Variants in LRRC4C observed in about 807,000 individuals in gnomAD.
LRRC4C encodes the protein leucine rich repeat containing 4C, also known as leucine-rich repeat-containing protein 4C.
A neutral mutation model predicts 33.6 loss-of-function variants in LRRC4C; 5 were observed. The ratio of observed to expected loss-of-function variants is 0.15; its 90% CI spans 0.08 to 0.31. LRRC4C has a LOEUF of 0.31. Among genes scored for constraint, LRRC4C ranks in the 10% least tolerant of loss-of-function variants. The pLI is 1.00. For synonymous variants in LRRC4C, 329 were observed against 302.0 expected (o/e 1.09, Z -0.93); for missense variants, 560 against 796.7 (o/e 0.70, Z 3.58).
intron 1 of LRRC4C, among the ~76,000 whole-genome samples, chr11:41,062,004 C>T (rs1937809088): frequency 6.6e-6 from 1 of 152,196 alleles, no homozygotes; most frequent in South Asian, 2.1e-4. Context: ...GAGCAAAATC[C>T]TCTTGGTCCT....
intron 6 of LRRC4C, among the ~76,000 whole-genome samples, chr11:40,139,066 A>G (rs1857177307): frequency 6.6e-6 from 1 of 152,222 alleles, no homozygotes; most frequent in African/African-American, 2.4e-5. Flanking sequence ...GTTAAATCTA[A>G]CTAAGTCCAA....
intron 4 of LRRC4C, among the ~76,000 whole-genome samples, chr11:40,315,234 C>A (rs1045862429): frequency 6.6e-6 from 1 of 151,226 alleles, no homozygotes; most frequent in African/African-American, 2.4e-5. Context: ...AATTAAAAAA[C>A]CCAATATGGA....
intron 3 of LRRC4C, among the ~76,000 whole-genome samples, chr11:40,340,561 T>A (rs1253641302): frequency 1.3e-5 from 2 of 152,150 alleles, no homozygotes; most frequent in African/African-American, 4.8e-5. Context: ...ATAAAAGTAA[T>A]AATAACCTTT....
At position 40,975,218 on chromosome 11, in the gene LRRC4C, G is replaced by A. The variant is rs568503908; in HGVS notation, c.-495-41495C>T. ...TAAACAAGCACATATGTGATATCAT[G>A]TAAAGTCATGTCATAAAAAGTTTGT... On this transcript the variant is annotated intron_variant, in intron 1 of 6. Coordinates refer to ENST00000528697, the MANE Select transcript of LRRC4C (RefSeq NM_001258419.2). Among the ~76,000 whole-genome samples the A allele has an allele frequency of 2.6e-5, 4 of 152,270 alleles. No individual in the cohort carries two copies. In the South Asian group the frequency reaches 6.2e-4, roughly 24 times the overall value.
chr11:40,330,646 G>A (rs1488563380), intron 3 of LRRC4C, among the ~76,000 whole-genome samples: 1 of 152,114 alleles, frequency 6.6e-6, no homozygotes, highest in Non-Finnish European at 1.5e-5. Context: ...GCAGGAGACA[G>A]AATGAGCTGA....
At chr11:40,498,124 A>G (rs1488475458) in intron 3 of LRRC4C, among the ~76,000 whole-genome samples, 1 of 152,178 alleles carries the variant, frequency 6.6e-6, no homozygotes, top group Non-Finnish European at 1.5e-5. Context: ...ACCACCCGCT[A>G]CCAGGTACAA....
At chr11:41,034,365 T>C (rs919305026) in intron 1 of LRRC4C, among the ~76,000 whole-genome samples, 1 of 150,330 alleles carries the variant, frequency 6.7e-6, no homozygotes, top group African/African-American at 2.5e-5. Context: ...AAGAAATTCC[T>C]TATAAATTAC....
intron 1 of LRRC4C, among the ~76,000 whole-genome samples, chr11:41,304,824 G>A (rs868147993): frequency 1.3e-4 from 9 of 71,468 alleles, no homozygotes; most frequent in East Asian, 8.2e-4. Context: ...AGGTGGGGGG[G>A]TCAGCCCCCC....
At chr11:41,224,149 G>A (rs941708148) in intron 1 of LRRC4C, among the ~76,000 whole-genome samples, 1 of 152,132 alleles carries the variant, frequency 6.6e-6, no homozygotes, top group African/African-American at 2.4e-5. Flanking sequence ...AAACACTTAA[G>A]TGGATTAAAT....
At chr11:40,187,787 GC>G (rs1225250689) in intron 5 of LRRC4C, among the ~76,000 whole-genome samples, 1 of 152,126 alleles carries the variant, frequency 6.6e-6, no homozygotes, top group Admixed American at 6.6e-5. Flanking sequence ...TAGATGAGGA[GC>G]TTTTACAATC....
At chr11:40,330,462 T>C (rs137937707) in intron 3 of LRRC4C, among the ~76,000 whole-genome samples, 59 of 152,348 alleles carry the variant, frequency 3.9e-4, no homozygotes, top group Middle Eastern at 3.4e-3. Flanking sequence ...TATTTCTTTA[T>C]GTTGGGAACA....
In LRRC4C at chr11:40,710,705, G is replaced by A. The variant is rs148257912; in HGVS notation, c.-406-62427C>T. ...CCCATTCTCAGAGCTCAAACACTCT[G>A]CTGGGAGAACCACTGCTCTCTTCAG... On this transcript the variant is annotated intron_variant, in intron 2 of 6. Coordinates refer to ENST00000528697, the MANE Select transcript of LRRC4C (RefSeq NM_001258419.2). Among the ~76,000 whole-genome samples, 123 of 152,296 alleles carry A rather than the reference G, an allele frequency of 8.1e-4. 1 individual carries two copies. Among genetic ancestry groups the A allele is most frequent in the African/African-American group, 2.9e-3 (121 of 41,574 alleles).
chr11:40,342,958 T>G (rs1387295340), intron 3 of LRRC4C, among the ~76,000 whole-genome samples: 5 of 152,150 alleles, frequency 3.3e-5, no homozygotes, highest in Non-Finnish European at 7.3e-5. Context: ...TTTTGCCAAA[T>G]TAAAAGTGGG....
chr11:40,166,991 TAGATTATGACC>T (rs1321834607), intron 5 of LRRC4C, among the ~76,000 whole-genome samples: 1 of 152,164 alleles, frequency 6.6e-6, no homozygotes, highest in Admixed American at 6.5e-5. Flanking sequence ...TCCCCGTGTC[TAGATTATGACC>T]AGCATTGATT....
chr11:40,322,477 C>A (rs1945899475), intron 3 of LRRC4C, among the ~76,000 whole-genome samples: 1 of 152,118 alleles, frequency 6.6e-6, no homozygotes, highest in South Asian at 2.1e-4. Context: ...AACTCCTGAC[C>A]TCAGGTGATT....
chr11:40,542,034 C>T (rs185033136), intron 3 of LRRC4C, among the ~76,000 whole-genome samples: 8 of 134,990 alleles, frequency 5.9e-5, no homozygotes, highest in Non-Finnish European at 1.1e-4. Flanking sequence ...CTTTCTCTTT[C>T]TCTTTCTTTC....
chr11:40,206,524 G>A (rs1863168596), intron 5 of LRRC4C, among the ~76,000 whole-genome samples: 1 of 152,134 alleles, frequency 6.6e-6, no homozygotes, highest in African/African-American at 2.4e-5. Flanking sequence ...TTACAGGAGT[G>A]AGCCACCGCA....
intron 2 of LRRC4C, among the ~76,000 whole-genome samples, chr11:40,710,290 C>A (rs1240831898): frequency 6.6e-6 from 1 of 152,166 alleles, no homozygotes; most frequent in Admixed American, 6.5e-5. Flanking sequence ...TTAGAATTTT[C>A]AGCTTTTCTT....
intron 4 of LRRC4C, among the ~76,000 whole-genome samples, chr11:40,271,898 A>G (rs1942730939): frequency 6.6e-6 from 1 of 152,160 alleles, no homozygotes; most frequent in Admixed American, 6.6e-5. Context: ...TGAGCAGGCC[A>G]CTTGTGGTAT....
Sources: gnomAD v4.1 joint callset for allele counts (sites outside exome capture counted in the v4.1 genomes callset) on GRCh38, gnomAD v4.1.1 for gene constraint, MANE v1.5 for transcripts, NCBI Gene and HGNC (gene_info 2026-07-23, HGNC 2026-07-21) for gene names.